Variants in RALGAPA2 observed in about 807,000 individuals in gnomAD.
RALGAPA2 encodes ral GTPase-activating protein subunit alpha-2.
A neutral mutation model predicts 230.4 loss-of-function variants in RALGAPA2; 139 were observed. That is an observed-to-expected ratio of 0.60 (90% CI 0.53 to 0.69). The LOEUF (loss-of-function observed/expected upper bound fraction) is 0.69, where lower values mean the gene tolerates loss of function less well. RALGAPA2 is among the 30% of genes least tolerant of loss of function. The probability of loss-of-function intolerance (pLI) is 0.00; values close to 1 mark genes in which losing one functional copy is unlikely to be tolerated. For missense variants in RALGAPA2, 2,163 were observed against 2,276.0 expected (o/e 0.95, Z 1.01); for synonymous variants, 847 against 837.8 (o/e 1.01, Z -0.19).
intron 37 of RALGAPA2, among the ~76,000 whole-genome samples, chr20:20,441,732 G>A (rs2060745315): frequency 6.6e-6 from 1 of 152,176 alleles, no homozygotes; most frequent in African/African-American, 2.4e-5. Context: ...AAGTTACAGA[G>A]GTATCCTAGA....
chr20:20,531,823 A>G (rs1164177333), intron 26 of RALGAPA2, 28 bp from the exon 27 acceptor site: 23 of 1,488,212 alleles, frequency 1.5e-5, no homozygotes, highest in Non-Finnish European at 2.1e-5. Flanking sequence ...AACAGAGGAA[A>G]ACTCTCATGA....
At chr20:20,504,438 A>G (rs1304623229) in intron 34 of RALGAPA2, among the ~76,000 whole-genome samples, 3 of 152,184 alleles carry the variant, frequency 2.0e-5, no homozygotes, top group African/African-American at 7.2e-5. Flanking sequence ...TACTCAAGAA[A>G]CTAATAAAAA....
At chr20:20,405,225 G>A (rs1385032139) in intron 38 of RALGAPA2, among the ~76,000 whole-genome samples, 1 of 152,200 alleles carries the variant, frequency 6.6e-6, no homozygotes, top group Admixed American at 6.5e-5. Flanking sequence ...CTAAACCACT[G>A]GCTGGCTATC....
chr20:20,462,345 C>T (rs1166926662), intron 37 of RALGAPA2, among the ~76,000 whole-genome samples: 1 of 152,148 alleles, frequency 6.6e-6, no homozygotes, highest in Admixed American at 6.5e-5. Context: ...GTGTTAAAGC[C>T]ATGTGCAAAA....
chr20:20,545,358 T>A (rs2063752826), intron 24 of RALGAPA2, among the ~76,000 whole-genome samples: 1 of 152,128 alleles, frequency 6.6e-6, no homozygotes, highest in African/African-American at 2.4e-5. Context: ...TACGCCACCA[T>A]GCCTGGCCTC....
intron 24 of RALGAPA2, among the ~76,000 whole-genome samples, chr20:20,537,167 A>T (rs1365014029): frequency 6.6e-6 from 1 of 152,236 alleles, no homozygotes; most frequent in African/African-American, 2.4e-5. Context: ...ATAGGGAAGT[A>T]GAGATGGAGG....
chr20:20,599,251 A>G (rs952914549), intron 16 of RALGAPA2, among the ~76,000 whole-genome samples: 3 of 152,230 alleles, frequency 2.0e-5, no homozygotes, highest in African/African-American at 7.2e-5. Flanking sequence ...TCAAAAGCAA[A>G]TCATTTAGTA....
At chr20:20,399,794 G>T (rs1430054581) in intron 38 of RALGAPA2, among the ~76,000 whole-genome samples, 1 of 152,240 alleles carries the variant, frequency 6.6e-6, no homozygotes, top group Non-Finnish European at 1.5e-5. Context: ...TAGCAAGAGA[G>T]CAAGGCTTTG....
intron 12 of RALGAPA2, among the ~76,000 whole-genome samples, chr20:20,618,281 G>T (rs373965496): frequency 6.6e-6 from 1 of 152,178 alleles, no homozygotes; most frequent in East Asian, 1.9e-4. Context: ...AGCTACTGAG[G>T]GACAAAGGGC....
At chr20:20,611,807 C>T (rs1204228936) in intron 13 of RALGAPA2, among the ~76,000 whole-genome samples, 1 of 152,222 alleles carries the variant, frequency 6.6e-6, no homozygotes, top group African/African-American at 2.4e-5. Flanking sequence ...CACTGTTTTA[C>T]TTAACCTGTA....
At chr20:20,594,204 C>T (rs2065379563) in intron 16 of RALGAPA2, among the ~76,000 whole-genome samples, 1 of 152,158 alleles carries the variant, frequency 6.6e-6, no homozygotes, top group South Asian at 2.1e-4. Context: ...TGATTTGTAA[C>T]AGTATATTTA....
At chr20:20,625,935 C>G (rs900208972) in intron 10 of RALGAPA2, among the ~76,000 whole-genome samples, 2 of 152,192 alleles carry the variant, frequency 1.3e-5, no homozygotes, top group Non-Finnish European at 2.9e-5. Flanking sequence ...ATTCAACTCA[C>G]TGAACTACCC....
chr20:20,683,174 G>A (rs1234336074), intron 1 of RALGAPA2, among the ~76,000 whole-genome samples: 1 of 152,138 alleles, frequency 6.6e-6, no homozygotes, highest in African/African-American at 2.4e-5. Flanking sequence ...TAACACGTAC[G>A]TGTTCCAGCC....
chr20:20,409,085 C>T (rs1357423011), intron 38 of RALGAPA2, among the ~76,000 whole-genome samples: 1 of 152,302 alleles, frequency 6.6e-6, no homozygotes, highest in South Asian at 2.1e-4. Context: ...GCATCCTGAA[C>T]GCAAGCCTGT....
chr20:20,448,732 T>C (rs987106934), intron 37 of RALGAPA2, among the ~76,000 whole-genome samples: 1 of 152,132 alleles, frequency 6.6e-6, no homozygotes, highest in Admixed American at 6.5e-5. Flanking sequence ...AAGTAACAAA[T>C]ATATTTTTAG....
intron 19 of RALGAPA2, among the ~76,000 whole-genome samples, chr20:20,584,275 T>C (rs1170973032): frequency 1.3e-5 from 2 of 152,192 alleles, no homozygotes; most frequent in Non-Finnish European, 2.9e-5. Context: ...TTCTGATGCT[T>C]TTTGCTTCTA....
intron 33 of RALGAPA2, among the ~76,000 whole-genome samples, chr20:20,510,426 T>C (rs961479687): frequency 1.2e-4 from 18 of 152,124 alleles, no homozygotes; most frequent in South Asian, 2.1e-4. Context: ...TGAAAAAATA[T>C]AGTGTGAAGA....
chr20:20,658,595 C>G (rs1238576900), intron 3 of RALGAPA2, among the ~76,000 whole-genome samples: 1 of 152,206 alleles, frequency 6.6e-6, no homozygotes, highest in East Asian at 1.9e-4. Context: ...ATGCTCAGTG[C>G]TCAGCTGCAT....
chr20:20,601,738 G>A lies in RALGAPA2; in HGVS notation c.2147C>T (p.Thr716Met), dbSNP rs764176142. The A allele has an allele frequency of 1.2e-5, 19 of 1,613,664 alleles. No individual in the cohort carries two copies. The East Asian group carries it at 2.2e-4, about 19-fold the overall frequency. ...TEPMRFRSAT[T>M]SGAPGVEKAR... ...CTTTTCCACTCCCGGTGCTCCAGAC[G>A]TGGTGGCACTCCTAAATCGCATCGG... The change falls in exon 16 of 40, where the codon ACG becomes ATG. Residue 716 changes from threonine (T) to methionine (M), a missense_variant. By Grantham distance (81) the Thr-to-Met change is moderately conservative. Coordinates refer to ENST00000202677, the MANE Select transcript of RALGAPA2 (RefSeq NM_020343.4).
Sources: gnomAD v4.1 joint callset for allele counts (sites outside exome capture counted in the v4.1 genomes callset) on GRCh38, gnomAD v4.1.1 for gene constraint, MANE v1.5 for transcripts, NCBI Gene and HGNC (gene_info 2026-07-23, HGNC 2026-07-21) for gene names.